The following ARHGAP6 variants were observed in gnomAD, a reference collection of about 807,000 sequenced individuals.
ARHGAP6 encodes the protein Rho GTPase activating protein 6, also known as rho GTPase-activating protein 6.
Under a neutral mutation model 55.7 loss-of-function variants are expected in ARHGAP6, and 16 were observed. The observed-to-expected ratio is 0.29, with a 90% CI of 0.19 to 0.44. The LOEUF (loss-of-function observed/expected upper bound fraction) is 0.44. ARHGAP6 is among the 20% of genes least tolerant of loss of function. The pLI, the probability that ARHGAP6 is intolerant of heterozygous loss-of-function variation, is 1.00. For synonymous variants in ARHGAP6, 382 were observed against 360.9 expected, an observed-to-expected ratio of 1.06 and a Z score of -0.66; for missense variants, 698 against 808.9, an observed-to-expected ratio of 0.86 and a Z score of 1.66.
chrX:11,587,846 C>A (rs1368509960), intron 1 of ARHGAP6, among the ~76,000 whole-genome samples: 1 of 111,819 alleles, frequency 8.9e-6, no homozygotes, highest in African/African-American at 3.3e-5. Context: ...ATCTATGGGC[C>A]ATAGGATTCT....
rs765915588 is a variant in ARHGAP6, at chrX:11,178,201, G to A, written c.1528C>T (p.Leu510Phe). 1 of 1,210,591 alleles carries A rather than the reference G, an allele frequency of 8.3e-7. No homozygotes were observed. The highest frequency in any genetic ancestry group is 1.1e-6 in the Non-Finnish European group (1 of 895,083). Reference sequence around the variant, plus strand: ...GTGTCGCAGTTGCAGGGAGGTAGAAGGTATATGAGGAGCTGCAAGGTGCCC... The same window carrying A: ...GTGTCGCAGTTGCAGGGAGGTAGAAAGTATATGAGGAGCTGCAAGGTGCCC... Reference protein sequence around the residue: ...QLGTLQLLIYLLPPCNCDTLH... With the variant: ...QLGTLQLLIYFLPPCNCDTLH... Residue 510 changes from leucine to phenylalanine, a missense_variant, in exon 8 of 13, where the codon CTT (leucine) becomes TTT (phenylalanine). Transcript: ENST00000337414.
chrX:11,604,846 G>C (rs2052015598), intron 1 of ARHGAP6, among the ~76,000 whole-genome samples: 2 of 112,087 alleles, frequency 1.8e-5, no homozygotes, highest in Admixed American at 1.9e-4. Context: ...AGGCAAGGAG[G>C]CTTGACCTTC....
chrX:11,514,802 C>A (rs189441478), intron 1 of ARHGAP6, among the ~76,000 whole-genome samples: 1 of 109,078 alleles, frequency 9.2e-6, no homozygotes, highest in Non-Finnish European at 1.9e-5. Flanking sequence ...AACTGAATCT[C>A]CCTAATATTG....
In ARHGAP6 at chrX:11,308,214, T is replaced by A. The variant is rs186694449; in HGVS notation, c.589-53507A>T. 8.1e-4 allele frequency among the ~76,000 whole-genome samples: 91 copies of A among 112,184 alleles called. No homozygotes were observed. In the East Asian group the frequency reaches 0.023, roughly 28 times the overall value. ...TAAACCAATATAAGTTTAGGAAGGA[T>A]TCAAAGCAGCTTTTACTTGTAGCTA... is the stretch of plus-strand genomic sequence containing the variant. On this transcript the variant is annotated intron_variant, in intron 1 of 12. Coordinates refer to ENST00000337414, the MANE Select transcript of ARHGAP6 (RefSeq NM_013427.3).
intron 1 of ARHGAP6, among the ~76,000 whole-genome samples, chrX:11,411,925 T>A (rs1403094680): frequency 9.0e-6 from 1 of 111,204 alleles, no homozygotes; most frequent in Non-Finnish European, 1.9e-5. Context: ...TTCAATAACA[T>A]CCCTGGGGCT....
intron 1 of ARHGAP6, among the ~76,000 whole-genome samples, chrX:11,504,294 T>C: frequency 8.9e-6 from 1 of 111,905 alleles, no homozygotes; most frequent in Non-Finnish European, 1.9e-5. Flanking sequence ...TTAGGGTTTT[T>C]CCACCTCTGT....
At chrX:11,467,708 A>C (rs760444376) in intron 1 of ARHGAP6, among the ~76,000 whole-genome samples, 1 of 111,425 alleles carries the variant, frequency 9.0e-6, no homozygotes. Flanking sequence ...GGTGAGACAC[A>C]GTGGCTCATG....
chrX:11,561,948 A>C (rs772995744), intron 1 of ARHGAP6, among the ~76,000 whole-genome samples: 2 of 112,121 alleles, frequency 1.8e-5, no homozygotes, highest in African/African-American at 6.5e-5. Flanking sequence ...AAATGGAAGC[A>C]CTGTGGGCCT....
intron 1 of ARHGAP6, among the ~76,000 whole-genome samples, chrX:11,361,190 C>T (rs1317889772): frequency 6.5e-5 from 7 of 107,528 alleles, no homozygotes; most frequent in East Asian, 2.9e-4. Context: ...GAGCCCGCAT[C>T]GCCAAGTCAA....
chrX:11,482,858 A>T (rs188920225), intron 1 of ARHGAP6, among the ~76,000 whole-genome samples: 27 of 111,419 alleles, frequency 2.4e-4, no homozygotes, highest in African/African-American at 8.5e-4. Flanking sequence ...CCGATGGGGA[A>T]CACAGCACTG....
rs1217062809 is a variant in ARHGAP6, at chrX:11,169,693, G to A, written c.1630-9C>T. 8.6e-7 allele frequency: 1 copy of A among 1,162,950 alleles called. No individual in the cohort carries two copies. Among genetic ancestry groups the A allele is most frequent in the Admixed American group, 2.4e-5 (1 of 41,798 alleles). Reference sequence around the variant, plus strand: ...ATTTTATTCCCAGTGACCTATAAGAGAACAGAACACAAGGACTGTTGTTAT... The same window carrying A: ...ATTTTATTCCCAGTGACCTATAAGAAAACAGAACACAAGGACTGTTGTTAT... On this transcript the variant is annotated splice_polypyrimidine_tract_variant and intron_variant, in intron 8 of 12. Coordinates refer to ENST00000337414, the MANE Select transcript of ARHGAP6 (RefSeq NM_013427.3).
intron 1 of ARHGAP6, chrX:11,294,842 T>G: frequency 8.3e-7 from 1 of 1,211,476 alleles, no homozygotes; most frequent in South Asian, 1.8e-5. Flanking sequence ...TTGCCATGCC[T>G]GTGAGTAAAA....
intron 1 of ARHGAP6, among the ~76,000 whole-genome samples, chrX:11,522,821 T>C (rs905783306): frequency 8.0e-5 from 9 of 111,811 alleles, no homozygotes; most frequent in African/African-American, 2.9e-4. Flanking sequence ...GAGGAGCTGG[T>C]ACCATTCCTT....
chrX:11,622,715 T>C (rs1456512178), intron 1 of ARHGAP6, among the ~76,000 whole-genome samples: 2 of 111,772 alleles, frequency 1.8e-5, no homozygotes, highest in Non-Finnish European at 3.8e-5. Context: ...TTATGGTATC[T>C]TTAAGCTGTA....
intron 1 of ARHGAP6, among the ~76,000 whole-genome samples, chrX:11,394,345 T>C (rs188957270): frequency 1.2e-4 from 13 of 111,290 alleles, no homozygotes; most frequent in Admixed American, 9.6e-4. Flanking sequence ...GCTGTTCCAA[T>C]AGAAAGTAGA....
intron 1 of ARHGAP6, among the ~76,000 whole-genome samples, chrX:11,519,347 T>A (rs1260055844): frequency 9.1e-6 from 1 of 110,283 alleles, no homozygotes; most frequent in Non-Finnish European, 1.9e-5. Context: ...TGAGATGATA[T>A]CTCATAGTGG....
chrX:11,596,470 G>A (rs2051904947), intron 1 of ARHGAP6, among the ~76,000 whole-genome samples: 1 of 111,360 alleles, frequency 9.0e-6, no homozygotes, highest in South Asian at 3.8e-4. Flanking sequence ...AATACCTAAT[G>A]TAGGTGACGG....
intron 1 of ARHGAP6, among the ~76,000 whole-genome samples, chrX:11,383,413 C>T (rs1175626195): frequency 9.0e-6 from 1 of 111,726 alleles, no homozygotes; most frequent in East Asian, 2.8e-4. Context: ...TCAGAAAACA[C>T]TGCAAAAGGG....
chrX:11,391,093 A>C (rs1402813885), intron 1 of ARHGAP6, among the ~76,000 whole-genome samples: 1 of 112,430 alleles, frequency 8.9e-6, no homozygotes, highest in Non-Finnish European at 1.9e-5. Context: ...GACTGGATTA[A>C]GAAAATGTGG....
Sources: gnomAD v4.1 joint callset for allele counts (sites outside exome capture counted in the v4.1 genomes callset) on GRCh38, gnomAD v4.1.1 for gene constraint, MANE v1.5 for transcripts, NCBI Gene and HGNC (gene_info 2026-07-23, HGNC 2026-07-21) for gene names.